FAM13A: variants seen among roughly 807,000 people sequenced by gnomAD.
FAM13A encodes the protein protein FAM13A.
In FAM13A, 76 loss-of-function variants were observed where a neutral mutation model predicts 129.6. That is an observed-to-expected ratio of 0.59 (90% CI 0.49 to 0.71). The LOEUF is 0.71. Among genes scored for constraint, FAM13A ranks in the 30% least tolerant of loss-of-function variants. FAM13A has a pLI of 0.00. For synonymous variants in FAM13A, 443 were observed against 449.9 expected (o/e 0.98, Z 0.20); for missense variants, 1,108 against 1,249.3 (o/e 0.89, Z 1.70).
intron 10 of FAM13A, among the ~76,000 whole-genome samples, chr4:88,785,719 A>G (rs1439241088): frequency 2.0e-5 from 3 of 152,172 alleles, no homozygotes; most frequent in Non-Finnish European, 4.4e-5. Context: ...GGGCCAGACA[A>G]AATTAGTGGA....
chr4:88,904,620 G>A (rs1747841715), intron 6 of FAM13A, among the ~76,000 whole-genome samples: 1 of 152,090 alleles, frequency 6.6e-6, no homozygotes, highest in Admixed American at 6.6e-5. Context: ...CCGTCAGTGG[G>A]GTGGCTTAGG....
rs372684403 is a variant in FAM13A at position 88,771,477 on chromosome 4, T to C, written c.1459-3418A>G. On this transcript the variant is annotated intron_variant, in intron 11 of 23. Transcript: ENST00000264344. ...ACAAGAAAATATTGAGTCATTGTCT[T>C]TTGAAGGTTTTAAACTGTTTTATGT... 3.5e-4 allele frequency among the ~76,000 whole-genome samples: 54 copies of C among 152,274 alleles called. 2 individuals carry two copies. In the South Asian group the frequency reaches 8.1e-3, roughly 23 times the overall value.
intron 3 of FAM13A, among the ~76,000 whole-genome samples, chr4:89,016,697 T>C (rs1449525596): frequency 1.3e-5 from 2 of 152,322 alleles, no homozygotes; most frequent in South Asian, 2.1e-4. Flanking sequence ...TGCAGTGGTA[T>C]GATTATGGCT....
In FAM13A at chr4:88,861,320, G is replaced by A. The variant is rs368135464; in HGVS notation, c.844-10137C>T. Among the ~76,000 whole-genome samples the A allele has an allele frequency of 4.1e-5, 6 of 147,498 alleles. No homozygotes were observed. The South Asian group carries it at 8.6e-4, about 21-fold the overall frequency. The stretch of plus-strand genomic sequence containing the variant: ...CGCTTGAATCCGGGAGGCAAAGGTT[G>A]CAATGAGCCAAGATCATGCCACTGC... On this transcript the variant is annotated intron_variant, in intron 6 of 23. Coordinates refer to ENST00000264344, the MANE Select transcript of FAM13A (RefSeq NM_014883.4).
At chr4:88,977,766 C>T (rs956505593) in intron 4 of FAM13A, among the ~76,000 whole-genome samples, 1 of 152,158 alleles carries the variant, frequency 6.6e-6, no homozygotes, top group African/African-American at 2.4e-5. Flanking sequence ...AGACTTGAAG[C>T]ATACTTACTA....
chr4:88,752,441 G>T (rs1480272436), intron 14 of FAM13A, among the ~76,000 whole-genome samples: 47 of 152,316 alleles, frequency 3.1e-4, no homozygotes, highest in Middle Eastern at 6.8e-3. Flanking sequence ...TATATGGAAT[G>T]AAGTCCACAG....
chr4:88,930,222 CTTG>C (rs1393905259), intron 5 of FAM13A, among the ~76,000 whole-genome samples: 3 of 152,156 alleles, frequency 2.0e-5, no homozygotes, highest in Non-Finnish European at 4.4e-5. Context: ...TTACTGGACA[CTTG>C]TTGTGTCCTC....
intron 4 of FAM13A, among the ~76,000 whole-genome samples, chr4:88,973,955 G>GATTTC (rs1760527869): frequency 6.6e-6 from 1 of 152,108 alleles, no homozygotes; most frequent in Non-Finnish European, 1.5e-5. Context: ...GGTCAGTTAG[G>GATTTC]CCCTGAGAAA....
chr4:88,763,277 GTTCAT>G (rs1745137973), intron 13 of FAM13A, among the ~76,000 whole-genome samples: 1 of 150,730 alleles, frequency 6.6e-6, no homozygotes, highest in South Asian at 2.1e-4. Flanking sequence ...TTTCCCATTC[GTTCAT>G]TCATTCATTC....
At chr4:88,768,635 A>G (rs1947379) in intron 11 of FAM13A, among the ~76,000 whole-genome samples, 86,476 of 151,884 alleles carry the variant, frequency 0.57, 26,981 homozygotes, top group Non-Finnish European at 0.72. Context: ...AATATTATCT[A>G]GAGTAACATG....
chr4:88,873,701 C>G (rs1009156534), intron 6 of FAM13A, among the ~76,000 whole-genome samples: 89 of 152,198 alleles, frequency 5.8e-4, no homozygotes, highest in Non-Finnish European at 2.1e-4. Context: ...CAGCCGAATT[C>G]TTCCAGAGGT....
At chr4:88,737,817 A>G (rs1739319176) in intron 20 of FAM13A, among the ~76,000 whole-genome samples, 1 of 152,198 alleles carries the variant, frequency 6.6e-6, no homozygotes, top group Non-Finnish European at 1.5e-5. Context: ...AGACACGCAG[A>G]AGAAACCCGA....
intron 3 of FAM13A, among the ~76,000 whole-genome samples, chr4:89,013,102 T>A (rs1481876805): frequency 6.6e-6 from 1 of 152,126 alleles, no homozygotes; most frequent in South Asian, 2.1e-4. Flanking sequence ...CATTCAACTA[T>A]GTGTAAAGAG....
intron 14 of FAM13A, chr4:88,753,798 T>C (rs954628897): frequency 1.2e-5 from 2 of 160,452 alleles, no homozygotes; most frequent in Non-Finnish European, 2.6e-5. Flanking sequence ...GTTTTGATAG[T>C]TGGCACTCAA....
chr4:88,740,624 C>T lies in FAM13A; in HGVS notation c.2467-1499G>A, dbSNP rs116402953. On this transcript the variant is annotated intron_variant, in intron 19 of 23. Transcript: ENST00000264344. The stretch of plus-strand genomic sequence containing the variant: ...TTTTAGAGGTAAGGAAGGCAAGTAG[C>T]GTTAGCTTTGACCATTTCTTTTACG... Among the ~76,000 whole-genome samples the T allele has an allele frequency of 6.2e-3, 949 of 152,256 alleles. 14 individuals are homozygous for T. Among genetic ancestry groups the T allele is most frequent in the African/African-American group, 0.021 (879 of 41,552 alleles).
intron 6 of FAM13A, among the ~76,000 whole-genome samples, chr4:88,853,479 A>G (rs764300798): frequency 2.0e-5 from 3 of 152,182 alleles, no homozygotes; most frequent in Non-Finnish European, 4.4e-5. Flanking sequence ...TTTGCATGTG[A>G]TTATTTTTCA....
At chr4:88,763,078 G>A (rs1745096005) in intron 13 of FAM13A, among the ~76,000 whole-genome samples, 1 of 152,180 alleles carries the variant, frequency 6.6e-6, no homozygotes, top group South Asian at 2.1e-4. Flanking sequence ...AGAGACTCAT[G>A]TTTAGATACT....
At chr4:88,849,690 G>A (rs537104488) in intron 7 of FAM13A, among the ~76,000 whole-genome samples, 5 of 151,880 alleles carry the variant, frequency 3.3e-5, no homozygotes, top group African/African-American at 1.2e-4. Context: ...TAGAATGTAC[G>A]GTTCCTTAAC....
At chr4:88,830,671 TATCTG>T (rs1272300195) in intron 7 of FAM13A, among the ~76,000 whole-genome samples, 2 of 152,110 alleles carry the variant, frequency 1.3e-5, no homozygotes, top group Non-Finnish European at 2.9e-5. Context: ...CATTAAAATC[TATCTG>T]AGTAGGCTTG....
Sources: gnomAD v4.1 joint callset for allele counts (sites outside exome capture counted in the v4.1 genomes callset) on GRCh38, gnomAD v4.1.1 for gene constraint, MANE v1.5 for transcripts, NCBI Gene and HGNC (gene_info 2026-07-23, HGNC 2026-07-21) for gene names.